BCAS3: variants seen among roughly 807,000 people sequenced by gnomAD.
BCAS3 encodes BCAS4/BCAS3 fusion.
Under a neutral mutation model 116.1 loss-of-function variants are expected in BCAS3, and 53 were observed. That is an observed-to-expected ratio of 0.46 (90% confidence interval 0.37 to 0.57). The LOEUF (loss-of-function observed/expected upper bound fraction) is 0.57. Ranked by LOEUF, BCAS3 falls within the 20% of genes least tolerant of loss-of-function variation. BCAS3 has a pLI of 0.00. For synonymous variants in BCAS3, 391 were observed against 408.2 expected (o/e 0.96, Z 0.51); for missense variants, 917 against 1,165.4 (o/e 0.79, Z 3.10).
intron 22 of BCAS3, among the ~76,000 whole-genome samples, chr17:61,209,120 A>G (rs559496870): frequency 6.6e-6 from 1 of 152,144 alleles, no homozygotes; most frequent in South Asian, 2.1e-4. Context: ...CAGTAAAAAC[A>G]TAAAAGCTGT....
rs1356112267 is a variant in BCAS3, at chr17:61,390,805, A to T, written c.2594-1172A>T. 6.6e-6 allele frequency: 1 copy of T among 152,318 alleles called. No homozygotes were observed. The allele number at this position is 152,318 out of a possible 1,614,324, so 9.4% of individuals were successfully genotyped here. On this transcript the variant is annotated intron_variant, in intron 23 of 23. Transcript: ENST00000407086. This position sits in a 1 kb window ranked among gnomAD's most constrained non-coding sequence, Gnocchi z 6.8. ...TCTCAAGCCAGACCAGACGAGTGCAACGTTTTTGCACATCTTGCTGTTTCA... is the reference window on the plus strand; with the variant it reads ...TCTCAAGCCAGACCAGACGAGTGCATCGTTTTTGCACATCTTGCTGTTTCA...
At chr17:61,331,361 A>G (rs1317798525) in intron 22 of BCAS3, among the ~76,000 whole-genome samples, 1 of 152,194 alleles carries the variant, frequency 6.6e-6, no homozygotes, top group Non-Finnish European at 1.5e-5. Context: ...CTGACAGGAT[A>G]TGATCACTGG....
intron 14 of BCAS3, among the ~76,000 whole-genome samples, chr17:60,950,243 C>T (rs2060759636): frequency 6.6e-6 from 1 of 151,842 alleles, no homozygotes; most frequent in South Asian, 2.1e-4. Flanking sequence ...AATGATCTAG[C>T]AGTAGGGGAG....
rs1461448444 is a variant in BCAS3, at chr17:61,282,740, ATTTC to A, written c.2426-85586_2426-85583del. Among the ~76,000 whole-genome samples, 1 of 152,178 alleles carries A rather than the reference ATTTC, an allele frequency of 6.6e-6. No individual in the cohort carries two copies. The highest frequency in any genetic ancestry group is 6.6e-5 in the Admixed American group (1 of 15,266). ...AGTCTCTATACCTCACTTTGAGAGAATTTCCATTTTGGTTTAATGAGTTGGTCAC... is the reference window on the plus strand; with the variant it reads ...AGTCTCTATACCTCACTTTGAGAGAACATTTTGGTTTAATGAGTTGGTCAC... On this transcript the variant is annotated intron_variant, in intron 22 of 23. Coordinates refer to ENST00000407086, the MANE Select transcript of BCAS3 (RefSeq NM_017679.5). The surrounding 1 kb of genome is among the most constrained non-coding windows in gnomAD (Gnocchi z 5.9).
chr17:61,262,769 C>T (rs999398627), intron 22 of BCAS3, among the ~76,000 whole-genome samples: 29 of 151,560 alleles, frequency 1.9e-4, no homozygotes, highest in Admixed American at 3.3e-4. Context: ...CTTGACTCAC[C>T]GCAACCTCTG....
chr17:60,881,798 C>A (rs1599396800), intron 9 of BCAS3, among the ~76,000 whole-genome samples: 1 of 148,636 alleles, frequency 6.7e-6, no homozygotes, highest in African/African-American at 2.5e-5. Flanking sequence ...GCATAGTATT[C>A]CATGGTGTAT....
chr17:60,843,789 C>T (rs1162334528), intron 7 of BCAS3, among the ~76,000 whole-genome samples: 11 of 152,110 alleles, frequency 7.2e-5, no homozygotes, highest in African/African-American at 1.9e-4. Flanking sequence ...TCCCTTTTCC[C>T]GACTCTATGT....
At position 60,948,980 on chromosome 17, in the gene BCAS3, A is replaced by C. The variant is rs150508784; in HGVS notation, c.1221+1628A>C. On this transcript the variant is annotated intron_variant, in intron 14 of 23. Coordinates refer to ENST00000407086, the MANE Select transcript of BCAS3 (RefSeq NM_017679.5). ...CAACCTCCACCTCCTGGGTTCAAGC[A>C]ATTCTCCTACCTCAGCATCCTGAGT... Among the ~76,000 whole-genome samples, 3 of 151,540 alleles carry C rather than the reference A, an allele frequency of 2.0e-5. No individual in the cohort carries two copies. In the East Asian group the frequency reaches 5.9e-4, roughly 30 times the overall value.
chr17:60,916,914 G>T (rs1293148374), intron 12 of BCAS3, among the ~76,000 whole-genome samples: 1 of 152,132 alleles, frequency 6.6e-6, no homozygotes, highest in African/African-American at 2.4e-5. Flanking sequence ...CTTTGAAAAA[G>T]ATATACCTGT....
In BCAS3 at chr17:61,349,856, A is replaced by G. The variant is rs1300250422; in HGVS notation, c.2426-18471A>G. Among the ~76,000 whole-genome samples, 1 of 152,228 alleles carries G rather than the reference A, an allele frequency of 6.6e-6. No individual in the cohort carries two copies. Among genetic ancestry groups the G allele is most frequent in the Non-Finnish European group, 1.5e-5 (1 of 68,042 alleles). On this transcript the variant is annotated intron_variant, in intron 22 of 23. Transcript: ENST00000407086. The surrounding 1 kb of genome is among the most constrained non-coding windows in gnomAD (Gnocchi z 4.7). The stretch of plus-strand genomic sequence containing the variant: ...TAAGGCCTTCGTCTCTACCAAAGGT[A>G]TTAGCATAGAAGCAGTTCAGAAGGC...
chr17:61,075,048 A>G lies in BCAS3; in HGVS notation c.2130+28A>G, dbSNP rs780581801. On this transcript the variant is annotated intron_variant, in intron 20 of 23. Transcript: ENST00000407086. ...AAAACTCTGAAATATTGAGAGTATT[A>G]AAGTAAAATAAAACAGAAATTTACT... is the stretch of plus-strand genomic sequence containing the variant. 1.1e-5 allele frequency: 17 copies of G among 1,530,052 alleles called. No individual in the cohort carries two copies. In the East Asian group the frequency reaches 3.8e-4, roughly 34 times the overall value. 94.8% of individuals were successfully genotyped at this position (1,530,052 alleles called of 1,614,324 possible). A position where few individuals can be genotyped will look rare whatever the true frequency, so the allele number is the denominator to read the frequency against.
chr17:60,918,691 A>ATT (rs1161722822), intron 12 of BCAS3, among the ~76,000 whole-genome samples: 37 of 127,764 alleles, frequency 2.9e-4, no homozygotes, highest in East Asian at 4.3e-4. Context: ...AAGCTTCTCA[A>ATT]TTTTTTTTTT....
chr17:60,904,294 C>T (rs1234870940), intron 11 of BCAS3, among the ~76,000 whole-genome samples: 2 of 152,092 alleles, frequency 1.3e-5, no homozygotes, highest in Non-Finnish European at 2.9e-5. Context: ...GTCCCAGCTA[C>T]TCAGGAGGCT....
In BCAS3 at chr17:60,804,127, C is replaced by T. The variant is rs1315084031; in HGVS notation, c.404-3877C>T. The stretch of plus-strand genomic sequence containing the variant: ...CACTATTATGATTTTTATATGTCCT[C>T]GTGGAGTTCGTATATGTATGTATAC... On this transcript the variant is annotated intron_variant, in intron 6 of 23. Coordinates refer to ENST00000407086, the MANE Select transcript of BCAS3 (RefSeq NM_017679.5). 8.0e-5 allele frequency among the ~76,000 whole-genome samples: 12 copies of T among 150,510 alleles called. No homozygotes were observed. In the South Asian group the frequency reaches 1.3e-3, roughly 16 times the overall value.
intron 22 of BCAS3, among the ~76,000 whole-genome samples, chr17:61,167,301 C>G (rs1396187770): frequency 3.3e-5 from 5 of 152,300 alleles, no homozygotes; most frequent in Non-Finnish European, 7.3e-5. Context: ...AATTGTAACA[C>G]TGATAAAGTC....
At chr17:60,743,628 T>A (rs1359354981) in intron 5 of BCAS3, among the ~76,000 whole-genome samples, 1 of 152,166 alleles carries the variant, frequency 6.6e-6, no homozygotes, top group Non-Finnish European at 1.5e-5. Context: ...AAAGCAGTAT[T>A]TTTATTGTCT....
chr17:61,384,010 A>T (rs1462951249), intron 23 of BCAS3: 1 of 152,334 alleles, frequency 6.6e-6, no homozygotes, highest in African/African-American at 2.4e-5. Context: ...AGCTGCCAGC[A>T]CCTAGTGCCA....
intron 22 of BCAS3, among the ~76,000 whole-genome samples, chr17:61,234,525 T>C (rs1312821432): frequency 6.6e-6 from 1 of 152,218 alleles, no homozygotes; most frequent in Non-Finnish European, 1.5e-5. Context: ...GCAAAATCAA[T>C]AGACCTCCCT....
At chr17:60,747,680 T>C (rs992638158) in intron 6 of BCAS3, among the ~76,000 whole-genome samples, 42 of 152,186 alleles carry the variant, frequency 2.8e-4, no homozygotes, top group African/African-American at 9.9e-4. Flanking sequence ...CAAGTCTCTA[T>C]TGTTCTCATG....
Sources: allele counts gnomAD v4.1 joint callset (sites outside exome capture counted in the v4.1 genomes callset), GRCh38; gene constraint gnomAD v4.1.1; non-coding constraint Gnocchi (gnomAD v3.1); transcripts MANE v1.5; gene names NCBI Gene and HGNC (gene_info 2026-07-23, HGNC 2026-07-21).